Variants in SERPINA9 observed in about 807,000 individuals in gnomAD.
The protein encoded by SERPINA9 is serpin family A member 9.
In SERPINA9, 32 loss-of-function variants were observed where a neutral mutation model predicts 24.5. The observed-to-expected ratio is 1.30, with a 90% CI of 0.98 to 1.75. The LOEUF is 1.75. SERPINA9 is among the 40% of genes most tolerant of loss of function. The pLI is 0.00. For missense variants in SERPINA9, 594 were observed against 497.1 expected (o/e 1.19, Z -1.85); for synonymous variants, 233 against 197.7 (o/e 1.18, Z -1.50).
Position 94,467,251 on chromosome 14 carries a change from G to A in SERPINA9, c.760C>T (p.Leu254=). The A allele has an allele frequency of 6.2e-7, 1 of 1,614,238 alleles. No individual in the cohort carries two copies. Among genetic ancestry groups the A allele is most frequent in the Non-Finnish European group, 8.5e-7 (1 of 1,180,044 alleles). ...EQFAFGVDTE[L]NCFVLQMDYK... is the part of the protein sequence containing the mutation. ...TCCATCTGCAGCACAAAGCAGTTCA[G>A]CTCTGTATCCACCCCAAAAGCGAAC... The change falls in exon 3 of 5, where the codon CTG becomes TTG. Residue 254 remains leucine, a synonymous_variant. Transcript: ENST00000674397.
In SERPINA9 at chr14:94,463,086, T is replaced by A; in HGVS notation, c.*7A>T. On this transcript the variant is annotated 3_prime_UTR_variant, in exon 5 of 5. Coordinates refer to ENST00000674397, the MANE Select transcript of SERPINA9 (RefSeq NM_175739.4). Reference sequence around the variant, plus strand: ...AATGTGCCATCAGTTAACAGGCCATTTCCCACCTAGGATTTAGTGGGATTT... The same window carrying A: ...AATGTGCCATCAGTTAACAGGCCATATCCCACCTAGGATTTAGTGGGATTT... 6.2e-7 allele frequency: 1 copy of A among 1,606,052 alleles called. No homozygotes were observed. The highest frequency in any genetic ancestry group is 1.1e-5 in the South Asian group (1 of 90,898).
At chr14:94,474,148 C>T (rs557130706) in intron 1 of SERPINA9, among the ~76,000 whole-genome samples, 19 of 152,308 alleles carry the variant, frequency 1.2e-4, no homozygotes, top group South Asian at 4.1e-4. Context: ...TGCTGCCAGG[C>T]GCCAGGATGC....
chr14:94,475,011 T>G (rs908343777), intron 1 of SERPINA9, among the ~76,000 whole-genome samples: 2 of 152,176 alleles, frequency 1.3e-5, no homozygotes, highest in Non-Finnish European at 2.9e-5. Flanking sequence ...GCTGCATCTT[T>G]GAGGACCCAG....
chr14:94,465,430 G>A (rs1898955431), intron 3 of SERPINA9, among the ~76,000 whole-genome samples: 2 of 152,216 alleles, frequency 1.3e-5, no homozygotes, highest in African/African-American at 4.8e-5. Flanking sequence ...AGGTGGCTTA[G>A]CGGCTACTAT....
Position 94,469,308 on chromosome 14 carries a change from TG to T in SERPINA9, c.532del (p.His178MetfsTer2), listed in dbSNP as rs1899176491. 1 of 1,614,256 alleles carries T rather than the reference TG, an allele frequency of 6.2e-7. No homozygotes were observed. Among genetic ancestry groups the T allele is most frequent in the East Asian group, 2.2e-5 (1 of 44,890 alleles). On this transcript the variant is annotated frameshift_variant, in exon 2 of 5. Coordinates refer to ENST00000674397, the MANE Select transcript of SERPINA9 (RefSeq NM_175739.4). LOFTEE classifies it high-confidence loss of function. ...PSIAQARINS[H>X]VKKKTQGKVV... ...CTTCCCTTGGGTCTTCTTTTTCACA[TG>T]GCTGTTGATCCTCGCCTGGGCAATG...
chr14:94,467,042 C>A, intron 3 of SERPINA9, 67 bp downstream of exon 3: 1 of 1,532,882 alleles, frequency 6.5e-7, no homozygotes, highest in Non-Finnish European at 8.9e-7. Context: ...TTAGCACAAT[C>A]TCTCCCTCAT....
chr14:94,470,411 T>G (rs1956712), intron 1 of SERPINA9, among the ~76,000 whole-genome samples: 13,588 of 152,306 alleles, frequency 0.089, 750 homozygotes, highest in Middle Eastern at 0.22. Flanking sequence ...GCTGTGCTCC[T>G]TCAGGTGCCC....
At chr14:94,475,272 C>G (rs1899533551) in intron 1 of SERPINA9, among the ~76,000 whole-genome samples, 1 of 152,166 alleles carries the variant, frequency 6.6e-6, no homozygotes, top group Admixed American at 6.5e-5. Context: ...CAGCCTTTAT[C>G]CACCCGGCAA....
intron 2 of SERPINA9, among the ~76,000 whole-genome samples, chr14:94,467,857 A>G (rs1199764784): frequency 6.6e-6 from 1 of 151,632 alleles, no homozygotes. Context: ...AGATGAATAG[A>G]TTAGTGGATA....
intron 1 of SERPINA9, among the ~76,000 whole-genome samples, chr14:94,475,437 T>C (rs117728891): frequency 8.7e-5 from 13 of 149,922 alleles, no homozygotes; most frequent in African/African-American, 2.0e-4. Flanking sequence ...CACACACACA[T>C]ACACACACAC....
chr14:94,475,595 C>T (rs537514525), intron 1 of SERPINA9, among the ~76,000 whole-genome samples: 2 of 152,264 alleles, frequency 1.3e-5, no homozygotes, highest in African/African-American at 2.4e-5. Flanking sequence ...CTCCCCTACA[C>T]CTCCACTCCA....
intron 2 of SERPINA9, among the ~76,000 whole-genome samples, chr14:94,468,331 C>G (rs1219653231): frequency 6.6e-6 from 1 of 151,466 alleles, no homozygotes; most frequent in Non-Finnish European, 1.5e-5. Flanking sequence ...GATGGATGGA[C>G]AGATAAACTA....
intron 1 of SERPINA9, 100 bp downstream of exon 1, chr14:94,476,036 C>G (rs962678593): frequency 1.3e-6 from 2 of 1,565,172 alleles, no homozygotes; most frequent in Non-Finnish European, 1.7e-6. Flanking sequence ...ATTTGACTTC[C>G]CAGCTGCATT....
chr14:94,475,755 G>C (rs533270790), intron 1 of SERPINA9, among the ~76,000 whole-genome samples: 1 of 152,214 alleles, frequency 6.6e-6, no homozygotes, highest in Non-Finnish European at 1.5e-5. Flanking sequence ...TGTTAGTTTG[G>C]AAACTGTTCA....
At chr14:94,475,395 T>C (rs1334564550) in intron 1 of SERPINA9, among the ~76,000 whole-genome samples, 2 of 151,394 alleles carry the variant, frequency 1.3e-5, no homozygotes, top group East Asian at 2.0e-4. Flanking sequence ...ACATGTGTGC[T>C]ACATATGCAT....
intron 1 of SERPINA9, among the ~76,000 whole-genome samples, chr14:94,470,427 A>G (rs1373685802): frequency 6.6e-6 from 1 of 152,222 alleles, no homozygotes; most frequent in Non-Finnish European, 1.5e-5. Context: ...TGCCCTGAGC[A>G]CTGGCAGTCA....
At chr14:94,475,371 A>G (rs2139827519) in intron 1 of SERPINA9, among the ~76,000 whole-genome samples, 1 of 152,178 alleles carries the variant, frequency 6.6e-6, no homozygotes, top group Middle Eastern at 3.4e-3. Context: ...GGTGGAATGG[A>G]TGCCCACCCT....
intron 2 of SERPINA9, among the ~76,000 whole-genome samples, 189 bp downstream of exon 2, chr14:94,469,024 A>C (rs1287039839): frequency 6.6e-6 from 1 of 152,300 alleles, no homozygotes; most frequent in East Asian, 1.9e-4. Context: ...ATGAGTCCCT[A>C]CTGTAACTGG....
Position 94,463,027 on chromosome 14 carries a change from G to C in SERPINA9, c.*66C>G. 2 of 1,363,024 alleles carry C rather than the reference G, an allele frequency of 1.5e-6. No homozygotes were observed. Among genetic ancestry groups the C allele is most frequent in the Non-Finnish European group, 2.1e-6 (2 of 952,136 alleles). 84.4% of individuals were successfully genotyped at this position (1,363,024 alleles called of 1,614,324 possible). ...GTCAAATGCACCCTCAGAACAGAAA[G>C]AGGGATGTGGTTTGTTATTTCTTGT... On this transcript the variant is annotated 3_prime_UTR_variant, in exon 5 of 5. Transcript: ENST00000674397.
Sources: allele counts gnomAD v4.1 joint callset (sites outside exome capture counted in the v4.1 genomes callset), GRCh38; gene constraint gnomAD v4.1.1; transcripts MANE v1.5; gene names NCBI Gene and HGNC (gene_info 2026-07-23, HGNC 2026-07-21).